ADK: variants seen among roughly 807,000 people sequenced by gnomAD.
ADK encodes the protein adenosine kinase.
A neutral mutation model predicts 44.7 loss-of-function variants in ADK; 24 were observed. The observed-to-expected ratio is 0.54, with a 90% CI of 0.39 to 0.76. The LOEUF (loss-of-function observed/expected upper bound fraction) is 0.76, where lower values mean the gene tolerates loss of function less well. ADK is among the 30% of genes least tolerant of loss of function. The probability of loss-of-function intolerance (pLI) is 0.00; values close to 1 mark genes in which losing one functional copy is unlikely to be tolerated. For synonymous variants in ADK, 128 were observed against 142.6 expected (o/e 0.90, Z 0.73); for missense variants, 321 against 425.1 (o/e 0.76, Z 2.15).
At chr10:74,408,227 A>G (rs1844026300) in intron 6 of ADK, among the ~76,000 whole-genome samples, 1 of 151,590 alleles carries the variant, frequency 6.6e-6, no homozygotes. Flanking sequence ...TCCTGACCTC[A>G]AGTGATCCAC....
At chr10:74,517,947 A>T (rs1200576750) in intron 6 of ADK, among the ~76,000 whole-genome samples, 1 of 152,188 alleles carries the variant, frequency 6.6e-6, no homozygotes, top group Admixed American at 6.5e-5. Context: ...TTTATACATT[A>T]TCTTAATCGT....
chr10:74,321,393 C>T (rs896427889), intron 4 of ADK, among the ~76,000 whole-genome samples: 7 of 152,032 alleles, frequency 4.6e-5, no homozygotes, highest in African/African-American at 1.7e-4. Context: ...AAGGAATTCT[C>T]CTGCCTCAGC....
intron 6 of ADK, among the ~76,000 whole-genome samples, chr10:74,412,235 A>G (rs941907761): frequency 6.6e-6 from 1 of 152,108 alleles, no homozygotes; most frequent in Non-Finnish European, 1.5e-5. Flanking sequence ...CAGGCAGGGA[A>G]GTGCAGTAAC....
intron 3 of ADK, among the ~76,000 whole-genome samples, chr10:74,291,679 TA>T (rs1249657492): frequency 6.6e-6 from 1 of 151,654 alleles, no homozygotes; most frequent in African/African-American, 2.4e-5. Flanking sequence ...TTACATGTGG[TA>T]ACTTTTTATA....
At chr10:74,328,709 T>C (rs1841105091) in intron 4 of ADK, among the ~76,000 whole-genome samples, 1 of 152,168 alleles carries the variant, frequency 6.6e-6, no homozygotes, top group East Asian at 1.9e-4. Flanking sequence ...GTGAAGAAGG[T>C]CTTTACTTCC....
chr10:74,332,937 A>G (rs1360417273), intron 4 of ADK, among the ~76,000 whole-genome samples: 3 of 152,188 alleles, frequency 2.0e-5, no homozygotes, highest in East Asian at 1.9e-4. Context: ...TTGAATATGA[A>G]TGTATTATTT....
At chr10:74,337,451 C>G (rs1841444919) in intron 4 of ADK, among the ~76,000 whole-genome samples, 1 of 152,126 alleles carries the variant, frequency 6.6e-6, no homozygotes. Flanking sequence ...AAGATACTGG[C>G]TATTGGAAGT....
At chr10:74,384,268 C>T (rs1319329945) in intron 4 of ADK, among the ~76,000 whole-genome samples, 1 of 152,144 alleles carries the variant, frequency 6.6e-6, no homozygotes, top group Non-Finnish European at 1.5e-5. Flanking sequence ...GAAACACACC[C>T]TACAACTCTT....
chr10:74,688,514 G>A (rs1407616289), intron 10 of ADK, among the ~76,000 whole-genome samples: 1 of 152,090 alleles, frequency 6.6e-6, no homozygotes, highest in African/African-American at 2.4e-5. Flanking sequence ...CCATTTAGTC[G>A]GTATTTCTAG....
intron 3 of ADK, among the ~76,000 whole-genome samples, chr10:74,299,828 A>G (rs1040218313): frequency 6.6e-6 from 1 of 151,952 alleles, no homozygotes; most frequent in African/African-American, 2.4e-5. Context: ...CTGTATGAAG[A>G]GATAGTTCTG....
chr10:74,571,476 C>G (rs1045482526), intron 7 of ADK, among the ~76,000 whole-genome samples: 10 of 152,134 alleles, frequency 6.6e-5, no homozygotes, highest in Admixed American at 2.0e-4. Flanking sequence ...GCCTGTTATT[C>G]GTCTATTCAG....
chr10:74,542,524 T>A (rs1056547378), intron 7 of ADK, among the ~76,000 whole-genome samples: 16 of 152,176 alleles, frequency 1.1e-4, no homozygotes, highest in African/African-American at 3.1e-4. Context: ...TAATTTTTTT[T>A]AAATATGTGA....
intron 6 of ADK, among the ~76,000 whole-genome samples, chr10:74,493,505 T>C (rs1458648224): frequency 6.6e-6 from 1 of 151,002 alleles, no homozygotes; most frequent in Admixed American, 6.6e-5. Flanking sequence ...GAGAGAGATA[T>C]AGATATATAG....
chr10:74,357,502 T>C (rs1842185992), intron 4 of ADK, among the ~76,000 whole-genome samples: 2 of 149,782 alleles, frequency 1.3e-5, no homozygotes, highest in Non-Finnish European at 3.0e-5. Flanking sequence ...GGTTTTGTCA[T>C]GTTGCCGAGG....
At chr10:74,421,240 T>C (rs1222042245) in intron 6 of ADK, among the ~76,000 whole-genome samples, 2 of 152,164 alleles carry the variant, frequency 1.3e-5, no homozygotes, top group African/African-American at 4.8e-5. Context: ...TCTATTCTAG[T>C]TGGTAAATTT....
chr10:74,473,971 G>A (rs112113415), intron 6 of ADK, among the ~76,000 whole-genome samples: 3,972 of 152,246 alleles, frequency 0.026, 140 homozygotes, highest in African/African-American at 0.079. Context: ...TTTACCCACT[G>A]ATTTATAGCA....
At chr10:74,695,488 GTGTGTGTGTA>G (rs1442023740) in intron 10 of ADK, among the ~76,000 whole-genome samples, 166 of 151,938 alleles carry the variant, frequency 1.1e-3, no homozygotes, top group African/African-American at 3.6e-3. Flanking sequence ...GTGTGTGTGT[GTGTGTGTGTA>G]TGTGTGTATG....
intron 3 of ADK, among the ~76,000 whole-genome samples, chr10:74,231,782 A>T (rs1263168655): frequency 2.0e-5 from 3 of 151,990 alleles, no homozygotes; most frequent in Non-Finnish European, 4.4e-5. Flanking sequence ...AGTTTTTTTT[A>T]AAGTTTATTT....
chr10:74,391,652 T>TACAC (rs71475280), intron 4 of ADK, among the ~76,000 whole-genome samples: 1,820 of 74,190 alleles, frequency 0.025, 24 homozygotes, highest in East Asian at 0.055. Flanking sequence ...GGCAAGAATA[T>TACAC]ACACACACAC....
Sources: gnomAD v4.1 joint callset for allele counts (sites outside exome capture counted in the v4.1 genomes callset) on GRCh38, gnomAD v4.1.1 for gene constraint, MANE v1.5 for transcripts, NCBI Gene and HGNC (gene_info 2026-07-23, HGNC 2026-07-21) for gene names.